Variants in FAM167A observed in about 807,000 individuals in gnomAD.
FAM167A encodes protein FAM167A.
A neutral mutation model predicts 14.9 loss-of-function variants in FAM167A; 23 were observed. That is an observed-to-expected ratio of 1.55 (90% CI 1.11 to 2.19). The LOEUF (loss-of-function observed/expected upper bound fraction) is 2.19. Among genes scored for constraint, FAM167A ranks in the 30% most tolerant of loss-of-function variants. The pLI is 0.00. For synonymous variants in FAM167A, 174 were observed against 117.7 expected, an observed-to-expected ratio of 1.48 and a Z score of -3.10; for missense variants, 401 against 281.5, an observed-to-expected ratio of 1.42 and a Z score of -3.04.
chr8:11,437,572 T>C (rs1373688476), intron 2 of FAM167A, among the ~76,000 whole-genome samples: 1 of 152,226 alleles, frequency 6.6e-6, no homozygotes, highest in Non-Finnish European at 1.5e-5. Flanking sequence ...TCCAGTGCAC[T>C]CTTGACCAGT....
In FAM167A at chr8:11,444,116, C is replaced by T. The variant is rs78823081; in HGVS notation, c.296G>A (p.Ser99Asn). ...AGTGGACAGGGGTCTGGCACCTTGG[C>T]TGGCACTCCTGGCAGAAGGGGGGTG... ...GQHPPSARSASQGARPLSTGK... is the reference protein window; with the variant it reads ...GQHPPSARSANQGARPLSTGK... Residue 99 changes from serine to asparagine, a missense_variant, in exon 2 of 3, where the codon AGC (serine) becomes AAC (asparagine). Coordinates refer to ENST00000284486, the MANE Select transcript of FAM167A (RefSeq NM_053279.3). 1 of 1,613,362 alleles carries T rather than the reference C, an allele frequency of 6.2e-7. No homozygotes were observed. The highest frequency in any genetic ancestry group is 1.1e-5 in the South Asian group (1 of 91,088).
chr8:11,421,739 T>G lies in FAM167A; in HGVS notation c.*2634A>C, dbSNP rs1318285606. On this transcript the variant is annotated 3_prime_UTR_variant, in exon 3 of 3. Transcript: ENST00000284486. ...CGCATGGCAGTGTCGGTGGAGAGTT[T>G]GCGTTTTACACCCAGCGATGCTTGG... 7.5e-6 allele frequency: 3 copies of G among 398,842 alleles called. No homozygotes were observed. Among genetic ancestry groups the G allele is most frequent in the African/African-American group, 6.2e-5 (3 of 48,590 alleles). The allele number at this position is 398,842 out of a possible 1,614,324, so 24.7% of individuals were successfully genotyped here.
chr8:11,473,633 C>T (rs965189895), intron 1 of FAM167A, among the ~76,000 whole-genome samples: 4 of 152,152 alleles, frequency 2.6e-5, no homozygotes, highest in Non-Finnish European at 5.9e-5. Flanking sequence ...GAAGTGTACG[C>T]AGTGCAGGGT....
intron 2 of FAM167A, among the ~76,000 whole-genome samples, chr8:11,434,603 C>G (rs1376665481): frequency 6.6e-6 from 1 of 152,154 alleles, no homozygotes; most frequent in Non-Finnish European, 1.5e-5. Context: ...GTGATCAGGC[C>G]TTTAATTTTT....
intron 2 of FAM167A, among the ~76,000 whole-genome samples, chr8:11,437,476 G>C (rs145798288): frequency 6.6e-6 from 1 of 152,118 alleles, no homozygotes; most frequent in African/African-American, 2.4e-5. Context: ...AAGAAGTCTT[G>C]GTTAATTGGT....
At chr8:11,469,468 C>T (rs775039426), upstream of FAM167A, among the ~76,000 whole-genome samples, 10 of 141,142 alleles carry the variant, frequency 7.1e-5, no homozygotes, top group East Asian at 4.4e-4. Context: ...TAGAGGTTCT[C>T]TCTTCCCTTT....
At chr8:11,426,756 T>A (rs1246663782) in intron 2 of FAM167A, among the ~76,000 whole-genome samples, 1 of 152,204 alleles carries the variant, frequency 6.6e-6, no homozygotes, top group African/African-American at 2.4e-5. Context: ...GGTTGATCAG[T>A]CTTTGATCAA....
At chr8:11,442,121 T>C (rs1389458613) in intron 2 of FAM167A, among the ~76,000 whole-genome samples, 3 of 152,218 alleles carry the variant, frequency 2.0e-5, no homozygotes, top group Non-Finnish European at 4.4e-5. Context: ...TGTTGGCCTA[T>C]GGAGCCTGGC....
intron 2 of FAM167A, among the ~76,000 whole-genome samples, chr8:11,425,838 C>G (rs1585224625): frequency 6.6e-6 from 1 of 152,264 alleles, no homozygotes; most frequent in East Asian, 1.9e-4. Context: ...ATATTTTACC[C>G]TGAAGTATAT....
At chr8:11,442,411 T>G (rs1257336574) in intron 2 of FAM167A, among the ~76,000 whole-genome samples, 1 of 151,658 alleles carries the variant, frequency 6.6e-6, no homozygotes, top group Non-Finnish European at 1.5e-5. Flanking sequence ...CACGCCAGAG[T>G]GAGGAGACTA....
intron 1 of FAM167A, among the ~76,000 whole-genome samples, chr8:11,466,278 G>C (rs1414639639): frequency 6.6e-6 from 1 of 152,218 alleles, no homozygotes; most frequent in Non-Finnish European, 1.5e-5. Context: ...AGCCGCCTGG[G>C]AGTGGACCCG....
chr8:11,454,856 G>A (rs1037958478), intron 1 of FAM167A, among the ~76,000 whole-genome samples: 7 of 152,148 alleles, frequency 4.6e-5, no homozygotes, highest in African/African-American at 1.2e-4. Context: ...GGTGGCAGCC[G>A]AGAGGACAGG....
chr8:11,426,761 G>C (rs1165415191), intron 2 of FAM167A, among the ~76,000 whole-genome samples: 1 of 152,166 alleles, frequency 6.6e-6, no homozygotes, highest in African/African-American at 2.4e-5. Flanking sequence ...ATCAGTCTTT[G>C]ATCAACCGAA....
At chr8:11,453,146 T>G (rs570503707) in intron 1 of FAM167A, among the ~76,000 whole-genome samples, 1 of 152,320 alleles carries the variant, frequency 6.6e-6, no homozygotes, top group East Asian at 1.9e-4. Context: ...AAAATGCAAC[T>G]CGAATCCTGC....
chr8:11,424,739 G>C (rs1025810371), intron 2 of FAM167A, 103 bp from the exon 3 acceptor site: 4 of 1,464,920 alleles, frequency 2.7e-6, no homozygotes, highest in Non-Finnish European at 2.7e-6. Flanking sequence ...AGTTCATTAA[G>C]TGGTCCATCT....
intron 1 of FAM167A, chr8:11,474,735 C>A (rs1005813696): frequency 6.6e-6 from 1 of 152,070 alleles, no homozygotes; most frequent in African/African-American, 2.4e-5. Flanking sequence ...AATCAGCCCT[C>A]CTAGACAAAT....
rs146979421 is a variant in FAM167A, at chr8:11,424,591, G to A, written c.427C>T (p.Arg143Cys). ...QDQQLARQLMRLRGDINKLKI... is the reference protein window; with the variant it reads ...QDQQLARQLMCLRGDINKLKI... ...AGCTTGTTGATGTCGCCACGCAGGC[G>A]CATGAGCTGTCTGGCCAGTTGCTGG... Residue 143 changes from arginine to cysteine, a missense_variant, in exon 3 of 3, where the codon CGC becomes TGC. By Grantham distance (180) the Arg-to-Cys change is radical. Transcript: ENST00000284486. The A allele has an allele frequency of 3.7e-5, 60 of 1,613,938 alleles. No individual in the cohort carries two copies. The highest frequency in any genetic ancestry group is 1.5e-4 in the African/African-American group (11 of 74,898).
intron 1 of FAM167A, among the ~76,000 whole-genome samples, chr8:11,473,578 G>A (rs974692472): frequency 2.6e-5 from 4 of 152,138 alleles, no homozygotes; most frequent in Non-Finnish European, 5.9e-5. Context: ...CAAAAAGAAC[G>A]CACACCTTCT....
rs56672300 is a variant in FAM167A at position 11,422,368 on chromosome 8, GT to G, written c.*2004del. On this transcript the variant is annotated 3_prime_UTR_variant, in exon 3 of 3. Transcript: ENST00000284486. ...CATGTTCTCTGTCGTGTGTGTGTGT[GT>G]GGGGGTGTGTGTGTGTGTGTGTGTG... 0.12 allele frequency: 14,120 copies of G among 118,504 alleles called. 880 individuals carry two copies. The highest frequency in any genetic ancestry group is 0.26 in the African/African-American group (7,137 of 27,260). The allele number at this position is 118,504 out of a possible 1,614,324, so 7.3% of individuals were successfully genotyped here.
Sources: allele counts gnomAD v4.1 joint callset (sites outside exome capture counted in the v4.1 genomes callset), GRCh38; gene constraint gnomAD v4.1.1; transcripts MANE v1.5; gene names NCBI Gene and HGNC (gene_info 2026-07-23, HGNC 2026-07-21).